The following CREM variants were observed in gnomAD, a reference collection of about 807,000 sequenced individuals.
CREM encodes cAMP-responsive element modulator.
CREM carries 13 observed loss-of-function variants against 37.3 expected under a neutral mutation model. The observed-to-expected ratio is 0.35, with a 90% CI of 0.23 to 0.55. The LOEUF (loss-of-function observed/expected upper bound fraction) is 0.55, where lower values mean the gene tolerates loss of function less well. Ranked by LOEUF, CREM falls within the 20% of genes least tolerant of loss-of-function variation. The pLI is 0.88. For synonymous variants in CREM, 124 were observed against 120.2 expected, an observed-to-expected ratio of 1.03 and a Z score of -0.21; for missense variants, 296 against 362.3, an observed-to-expected ratio of 0.82 and a Z score of 1.49.
In CREM at chr10:35,186,190, T is replaced by C. The variant is rs532250816; in HGVS notation, c.410-2010T>C. 7.2e-5 allele frequency among the ~76,000 whole-genome samples: 11 copies of C among 152,346 alleles called. No individual in the cohort carries two copies. The South Asian group carries it at 2.3e-3, about 32-fold the overall frequency. On this transcript the variant is annotated intron_variant, in intron 5 of 7. Coordinates refer to ENST00000685392, the MANE Select transcript of CREM (RefSeq NM_183011.2). ...GTGATTTTTTAAAAAGCATAGCCTC[T>C]GGTACCATTTAATATCTACTGTTTG...
intron 3 of CREM, among the ~76,000 whole-genome samples, chr10:35,160,953 A>C (rs952765846): frequency 2.0e-5 from 3 of 152,184 alleles, no homozygotes; most frequent in African/African-American, 4.8e-5. Context: ...TGGAGCTGTC[A>C]TCTCTTATGA....
chr10:35,161,531 T>G (rs190014814), intron 3 of CREM, among the ~76,000 whole-genome samples: 74 of 151,332 alleles, frequency 4.9e-4, no homozygotes, highest in East Asian at 1.2e-3. Context: ...AGGAGTGGTG[T>G]TGTGCACCTG....
intron 3 of CREM, among the ~76,000 whole-genome samples, chr10:35,174,474 T>C (rs1194307550): frequency 1.3e-5 from 2 of 152,236 alleles, no homozygotes; most frequent in African/African-American, 2.4e-5. Context: ...TCCAAGGGAA[T>C]GATGATGTAA....
chr10:35,199,887 CT>C lies in CREM; in HGVS notation c.599-6989del, dbSNP rs5784443. On this transcript the variant is annotated intron_variant, in intron 6 of 7. Transcript: ENST00000685392. ...ATATTATTTTAAGTCGTTAAAATGG[CT>C]TTTTTTTTTTTTTTTTTTAAGACAG... 1.9e-3 allele frequency among the ~76,000 whole-genome samples: 232 copies of C among 121,362 alleles called. 3 individuals are homozygous for C. The highest frequency in any genetic ancestry group is 6.3e-3 in the African/African-American group (205 of 32,476). 79.6% of individuals were successfully genotyped at this position (121,362 alleles called of 152,430 possible). A position where few individuals can be genotyped will look rare whatever the true frequency, so the allele number is the denominator to read the frequency against.
At chr10:35,150,953 G>A (rs180976602) in intron 3 of CREM, among the ~76,000 whole-genome samples, 2 of 151,990 alleles carry the variant, frequency 1.3e-5, no homozygotes, top group East Asian at 3.9e-4. Context: ...GGTTTCTGAG[G>A]GCTTGGAATT....
chr10:35,199,670 G>A (rs1376800353), intron 6 of CREM, among the ~76,000 whole-genome samples: 2 of 151,970 alleles, frequency 1.3e-5, no homozygotes, highest in African/African-American at 4.8e-5. Context: ...GGTCAGACTG[G>A]GTAAATGACT....
intron 3 of CREM, among the ~76,000 whole-genome samples, chr10:35,172,716 C>T (rs756138379): frequency 3.3e-5 from 5 of 152,204 alleles, no homozygotes; most frequent in South Asian, 2.1e-4. Flanking sequence ...AGCACCCCCC[C>T]GCTGCGTCCT....
At chr10:35,131,817 A>G (rs1458407677) in intron 1 of CREM, among the ~76,000 whole-genome samples, 1 of 152,204 alleles carries the variant, frequency 6.6e-6, no homozygotes, top group Non-Finnish European at 1.5e-5. Flanking sequence ...ATGTGTTTTC[A>G]GATGTACTTA....
intron 6 of CREM, among the ~76,000 whole-genome samples, chr10:35,198,676 G>A (rs192896255): frequency 6.6e-6 from 1 of 152,210 alleles, no homozygotes; most frequent in East Asian, 1.9e-4. Context: ...CTCTGAGTCT[G>A]ACGTTGCATT....
chr10:35,188,106 G>C, intron 5 of CREM, 94 bp from the exon 6 acceptor site: 1 of 1,199,006 alleles, frequency 8.3e-7, no homozygotes, highest in South Asian at 1.7e-5. Flanking sequence ...AAGAAGCAAT[G>C]GTAATAAATA....
chr10:35,173,727 A>G (rs1398845831), intron 3 of CREM, among the ~76,000 whole-genome samples: 1 of 152,188 alleles, frequency 6.6e-6, no homozygotes, highest in Non-Finnish European at 1.5e-5. Flanking sequence ...CCATAGTAGG[A>G]GTACTTACAT....
chr10:35,207,139 TC>T, intron 7 of CREM, 88 bp downstream of exon 7: 1 of 1,401,864 alleles, frequency 7.1e-7, no homozygotes, highest in East Asian at 2.6e-5. Context: ...ACGCCTGTAA[TC>T]CCAGCACTTT....
intron 6 of CREM, chr10:35,195,932 C>G: frequency 1.2e-6 from 1 of 814,126 alleles, no homozygotes; most frequent in South Asian, 1.6e-5. Context: ...TTAGAGTTAA[C>G]TAGCTCACCA....
At chr10:35,183,986 A>C (rs567677117) in intron 5 of CREM, among the ~76,000 whole-genome samples, 3 of 152,246 alleles carry the variant, frequency 2.0e-5, no homozygotes, top group Non-Finnish European at 2.9e-5. Context: ...AGGCAGGAGA[A>C]TCGCTTGAAC....
At chr10:35,195,834 T>C (rs1265946890) in intron 6 of CREM, 2 of 543,220 alleles carry the variant, frequency 3.7e-6, no homozygotes. Flanking sequence ...AAGTTAAAAC[T>C]CCAAGCGAGC....
At chr10:35,170,118 A>G (rs1476083926) in intron 3 of CREM, among the ~76,000 whole-genome samples, 7 of 151,866 alleles carry the variant, frequency 4.6e-5, no homozygotes, top group African/African-American at 2.4e-5. Flanking sequence ...ACCCGCCACC[A>G]CACCCGGCTA....
intron 7 of CREM, chr10:35,209,270 C>A: frequency 2.1e-6 from 2 of 971,620 alleles, no homozygotes; most frequent in Non-Finnish European, 2.4e-6. Context: ...CTCATTATAT[C>A]GTATTTCTGC....
chr10:35,148,266 A>G, intron 2 of CREM, 102 bp from the exon 3 acceptor site: 6 of 1,173,568 alleles, frequency 5.1e-6, no homozygotes, highest in Non-Finnish European at 7.1e-6. Context: ...CAGATTTTGG[A>G]GCATTTCAGA....
At chr10:35,131,909 A>T (rs1247880511) in intron 1 of CREM, among the ~76,000 whole-genome samples, 2 of 152,164 alleles carry the variant, frequency 1.3e-5, no homozygotes, top group African/African-American at 4.8e-5. Flanking sequence ...ACTCCTTCAA[A>T]AGTTTAAAAA....
Sources: gnomAD v4.1 joint callset for allele counts (sites outside exome capture counted in the v4.1 genomes callset) on GRCh38, gnomAD v4.1.1 for gene constraint, MANE v1.5 for transcripts, NCBI Gene and HGNC (gene_info 2026-07-23, HGNC 2026-07-21) for gene names.